Variants in OCA2 observed in about 807,000 individuals in gnomAD.
OCA2 encodes the protein P protein.
In OCA2, 77 loss-of-function variants were observed where a neutral mutation model predicts 100.2. The ratio of observed to expected loss-of-function variants is 0.77; its 90% CI spans 0.64 to 0.93. The LOEUF is 0.93. Ranked by LOEUF, OCA2 falls within the 40% of genes least tolerant of loss-of-function variation. The pLI, the probability that OCA2 is intolerant of heterozygous loss-of-function variation, is 0.00. For synonymous variants in OCA2, 432 were observed against 439.2 expected (o/e 0.98, Z 0.21); for missense variants, 1,062 against 1,089.1 (o/e 0.98, Z 0.35).
chr15:27,969,300 T>C (rs2140856704), intron 14 of OCA2, among the ~76,000 whole-genome samples: 1 of 151,722 alleles, frequency 6.6e-6, no homozygotes, highest in Non-Finnish European at 1.5e-5. Flanking sequence ...AGTGAAGCAT[T>C]TGGTTGCTAC....
intron 2 of OCA2, among the ~76,000 whole-genome samples, chr15:28,077,066 T>G (rs961007471): frequency 2.6e-5 from 4 of 151,476 alleles, no homozygotes; most frequent in African/African-American, 7.3e-5. Flanking sequence ...ATTTGTTTTT[T>G]TTTTTTTTTT....
chr15:27,720,661 G>A, the OCA2 span, among the ~76,000 whole-genome samples: 45 of 152,056 alleles, frequency 3.0e-4, no homozygotes, highest in Non-Finnish European at 4.9e-4. Flanking sequence ...TAGACCAGTG[G>A]TTGGTTGCCT....
At chr15:27,973,027 A>T (rs901346475) in intron 14 of OCA2, among the ~76,000 whole-genome samples, 10 of 151,600 alleles carry the variant, frequency 6.6e-5, no homozygotes, top group Admixed American at 3.9e-4. Context: ...CACCACGCCC[A>T]GCTATTTTTT....
chr15:28,025,004 G>A, intron 4 of OCA2, 102 bp from the exon 5 acceptor site: 1 of 1,080,486 alleles, frequency 9.3e-7, no homozygotes, highest in Non-Finnish European at 1.4e-6. Flanking sequence ...CTCAAAGCAT[G>A]TGTTTTGAAT....
chr15:27,851,136 G>A (rs1234936621), intron 22 of OCA2, among the ~76,000 whole-genome samples: 3 of 152,312 alleles, frequency 2.0e-5, no homozygotes, highest in African/African-American at 4.8e-5. Flanking sequence ...CACATTAGCT[G>A]TGAAGCATCA....
chr15:27,982,644 C>A (rs2041206382), intron 14 of OCA2, among the ~76,000 whole-genome samples: 1 of 152,198 alleles, frequency 6.6e-6, no homozygotes, highest in Non-Finnish European at 1.5e-5. Context: ...CGTTCAAATA[C>A]AAACACACTG....
At chr15:27,884,444 G>A (rs1275338507) in intron 19 of OCA2, among the ~76,000 whole-genome samples, 1 of 152,140 alleles carries the variant, frequency 6.6e-6, no homozygotes, top group Admixed American at 6.5e-5. Context: ...AATTATGCAT[G>A]CATCTTCCCA....
intron 23 of OCA2, among the ~76,000 whole-genome samples, chr15:27,799,870 A>G (rs1480353442): frequency 6.6e-6 from 1 of 152,186 alleles, no homozygotes; most frequent in Admixed American, 6.5e-5. Context: ...ACCCCACACC[A>G]GTAGTGGGCT....
intron 18 of OCA2, among the ~76,000 whole-genome samples, chr15:27,940,047 C>T (rs529476087): frequency 6.6e-6 from 1 of 152,282 alleles, no homozygotes; most frequent in African/African-American, 2.4e-5. Context: ...TCTTCTTGGA[C>T]ATCACACAGC....
At chr15:27,927,723 G>C (rs1450785694) in intron 18 of OCA2, among the ~76,000 whole-genome samples, 1 of 148,940 alleles carries the variant, frequency 6.7e-6, no homozygotes, top group Non-Finnish European at 1.5e-5. Context: ...CAATGGTTGT[G>C]TAGTGGGATC....
At chr15:27,770,145 A>T (rs922255915) in intron 23 of OCA2, among the ~76,000 whole-genome samples, 1 of 152,224 alleles carries the variant, frequency 6.6e-6, no homozygotes, top group Non-Finnish European at 1.5e-5. Context: ...TCCATAACAA[A>T]GTCTCGGTCC....
chr15:27,892,054 C>A (rs1204195802), intron 19 of OCA2, among the ~76,000 whole-genome samples: 1 of 152,006 alleles, frequency 6.6e-6, no homozygotes, highest in East Asian at 1.9e-4. Flanking sequence ...AACAACAGAG[C>A]AGCAAAATAC....
chr15:27,926,028 G>A (rs2039028969), intron 19 of OCA2, 99 bp downstream of exon 19: 2 of 1,384,426 alleles, frequency 1.4e-6, no homozygotes, highest in African/African-American at 2.9e-5. Flanking sequence ...GAGAATATAA[G>A]GAAAGATTAA....
Position 27,853,566 on chromosome 15 carries a change from A to G in OCA2, c.2245-2091T>C, listed in dbSNP as rs573126687. On this transcript the variant is annotated intron_variant, in intron 21 of 23. Transcript: ENST00000354638. ...TGTGCACATGTACCCTAAAACTTAA[A>G]GTATAATAATAAAAGAAAAAAAAAA... Among the ~76,000 whole-genome samples, 5 of 151,742 alleles carry G rather than the reference A, an allele frequency of 3.3e-5. No individual in the cohort carries two copies. In the South Asian group the frequency reaches 6.3e-4, roughly 19 times the overall value.
chr15:27,980,199 C>A (rs981197511), intron 14 of OCA2, among the ~76,000 whole-genome samples: 2 of 152,070 alleles, frequency 1.3e-5, no homozygotes, highest in Admixed American at 1.3e-4. Context: ...ACGATCTCGG[C>A]TCGCTGCAAG....
At chr15:27,992,626 T>A (rs2041594065) in intron 9 of OCA2, among the ~76,000 whole-genome samples, 1 of 152,198 alleles carries the variant, frequency 6.6e-6, no homozygotes, top group Non-Finnish European at 1.5e-5. Flanking sequence ...TGATATTTAA[T>A]TAAGTCTTCA....
intron 4 of OCA2, among the ~76,000 whole-genome samples, chr15:28,025,238 T>A (rs1380764531): frequency 6.6e-6 from 1 of 152,234 alleles, no homozygotes; most frequent in Non-Finnish European, 1.5e-5. Context: ...GAATGCCTTA[T>A]CTTGTCTCTC....
intron 2 of OCA2, among the ~76,000 whole-genome samples, chr15:28,073,191 A>G (rs2044319552): frequency 6.6e-6 from 1 of 152,208 alleles, no homozygotes; most frequent in Non-Finnish European, 1.5e-5. Context: ...AGGTGGGCGG[A>G]TCACCTGAGG....
At chr15:27,943,883 T>C (rs1161154143) in intron 18 of OCA2, among the ~76,000 whole-genome samples, 3 of 152,108 alleles carry the variant, frequency 2.0e-5, no homozygotes, top group South Asian at 2.1e-4. Flanking sequence ...ACAACTTACA[T>C]GTATTGGTGA....
Sources: gnomAD v4.1 joint callset for allele counts (sites outside exome capture counted in the v4.1 genomes callset) on GRCh38, gnomAD v4.1.1 for gene constraint, MANE v1.5 for transcripts, NCBI Gene and HGNC (gene_info 2026-07-23, HGNC 2026-07-21) for gene names.